Variants in PCDHA3 observed in about 807,000 individuals in gnomAD.
PCDHA3 encodes the protein protocadherin alpha-3.
A neutral mutation model predicts 62.2 loss-of-function variants in PCDHA3; 41 were observed. The observed-to-expected ratio is 0.66, with a 90% CI of 0.51 to 0.86. The LOEUF (loss-of-function observed/expected upper bound fraction) is 0.86, where lower values mean the gene tolerates loss of function less well. Ranked by LOEUF, PCDHA3 falls within the 40% of genes least tolerant of loss-of-function variation. The probability of loss-of-function intolerance (pLI) is 0.00; values close to 1 mark genes in which losing one functional copy is unlikely to be tolerated. For missense variants in PCDHA3, 1,304 were observed against 1,241.2 expected (o/e 1.05, Z -0.76); for synonymous variants, 640 against 555.4 (o/e 1.15, Z -2.14).
intron 1 of PCDHA3, among the ~76,000 whole-genome samples, chr5:140,958,710 A>G (rs1446140877): frequency 1.3e-5 from 2 of 152,210 alleles, no homozygotes; most frequent in Non-Finnish European, 2.9e-5. Flanking sequence ...CAACTCTGTT[A>G]TAATAAATGT....
intron 1 of PCDHA3, among the ~76,000 whole-genome samples, chr5:140,941,191 T>TTTCTTTCTTCCTTTCTTCC (rs1487503403): frequency 1.1e-5 from 1 of 93,258 alleles, no homozygotes; most frequent in African/African-American, 3.9e-5. Flanking sequence ...GCTTCTTTTT[T>TTTCTTTCTTCCTTTCTTCC]TTTCTTTCTT....
chr5:140,885,638 A>C (rs1490773479), intron 1 of PCDHA3, among the ~76,000 whole-genome samples: 10 of 152,184 alleles, frequency 6.6e-5, no homozygotes, highest in Admixed American at 5.2e-4. Flanking sequence ...ATTGCCTTCC[A>C]AGTATTTTGG....
chr5:140,841,640 G>T, intron 1 of PCDHA3: 1 of 1,614,170 alleles, frequency 6.2e-7, no homozygotes, highest in Non-Finnish European at 8.5e-7. Context: ...CATCCACCTG[G>T]AGGTGATCGT....
chr5:140,859,587 C>T, intron 1 of PCDHA3: 1 of 166,890 alleles, frequency 6.0e-6, no homozygotes, highest in Non-Finnish European at 1.3e-5. Context: ...TTGCCTATGG[C>T]TCTTAGCAAT....
chr5:140,950,981 TG>T (rs1443074941), intron 1 of PCDHA3, among the ~76,000 whole-genome samples: 1 of 152,138 alleles, frequency 6.6e-6, no homozygotes, highest in East Asian at 1.9e-4. Context: ...CATTGACTTT[TG>T]CCTCTTTTAG....
At chr5:140,814,345 G>C (rs2126654527) in intron 1 of PCDHA3, 1 of 151,438 alleles carries the variant, frequency 6.6e-6, no homozygotes, top group East Asian at 1.9e-4. Context: ...AGGTCTTCTG[G>C]GGCAGTTACA....
At chr5:141,002,610 C>T (rs1191320958) in intron 3 of PCDHA3, among the ~76,000 whole-genome samples, 1 of 152,200 alleles carries the variant, frequency 6.6e-6, no homozygotes, top group Non-Finnish European at 1.5e-5. Context: ...ATAAAACAGA[C>T]ACATAACACA....
At chr5:140,956,098 GA>G (rs2095256801) in intron 1 of PCDHA3, among the ~76,000 whole-genome samples, 1 of 152,160 alleles carries the variant, frequency 6.6e-6, no homozygotes, top group African/African-American at 2.4e-5. Context: ...TGCAAACAAA[GA>G]TAATTTGATT....
intron 3 of PCDHA3, among the ~76,000 whole-genome samples, chr5:140,987,537 T>C (rs1343074603): frequency 6.6e-6 from 1 of 152,176 alleles, no homozygotes; most frequent in African/African-American, 2.4e-5. Context: ...CCTGGGACCA[T>C]TACTTAACTT....
At chr5:140,843,626 C>G (rs1779006743) in intron 1 of PCDHA3, 2 of 1,596,058 alleles carry the variant, frequency 1.3e-6, no homozygotes, top group East Asian at 4.5e-5. Context: ...GAAGACGGAC[C>G]TCATGGCCTT....
intron 1 of PCDHA3, chr5:140,835,304 T>C (rs2150233585): frequency 2.5e-6 from 4 of 1,612,734 alleles, no homozygotes; most frequent in Admixed American, 3.3e-5. Flanking sequence ...TGATAGGACA[T>C]ATGGATTTTG....
At chr5:140,867,981 A>G (rs1451119630) in intron 1 of PCDHA3, 5 of 152,162 alleles carry the variant, frequency 3.3e-5, no homozygotes, top group African/African-American at 4.8e-5. Context: ...CAAGAAACAA[A>G]CTATTTTCAT....
intron 1 of PCDHA3, chr5:140,834,328 T>C (rs2150127559): frequency 6.9e-7 from 1 of 1,451,502 alleles, no homozygotes; most frequent in Non-Finnish European, 9.4e-7. Flanking sequence ...ATAAAAACAT[T>C]CCTATAAATT....
chr5:140,953,110 G>A (rs1384996852), intron 1 of PCDHA3, among the ~76,000 whole-genome samples: 2 of 152,074 alleles, frequency 1.3e-5, no homozygotes, highest in Non-Finnish European at 2.9e-5. Flanking sequence ...ATTTGGGCAG[G>A]GACACAGATC....
intron 1 of PCDHA3, chr5:140,834,211 G>A (rs2150214176): frequency 0.54 from 341,638 of 630,816 alleles, 94,315 homozygotes; most frequent in African/African-American, 0.73. Flanking sequence ...AAATTCTTTC[G>A]TAATCAGCAA....
intron 1 of PCDHA3, chr5:140,871,314 G>A (rs199741530): frequency 6.2e-7 from 1 of 1,614,048 alleles, no homozygotes; most frequent in East Asian, 2.2e-5. Context: ...GGAAGCCCAC[G>A]CTGGTGTGCT....
intron 1 of PCDHA3, chr5:140,926,949 G>C: frequency 3.8e-6 from 6 of 1,592,316 alleles, no homozygotes; most frequent in Non-Finnish European, 5.1e-6. Context: ...GCGCTGCAGC[G>C]GGACAGCTCG....
chr5:140,903,349 A>T (rs1191077377), intron 1 of PCDHA3, among the ~76,000 whole-genome samples: 1 of 152,240 alleles, frequency 6.6e-6, no homozygotes, highest in Non-Finnish European at 1.5e-5. Flanking sequence ...ATTTTAAAAA[A>T]CAAGTTTTTC....
Position 140,835,250 on chromosome 5 carries a change from A to G in PCDHA3, c.2394+31659A>G, listed in dbSNP as rs1313960035. 30 of 1,605,300 alleles carry G rather than the reference A, an allele frequency of 1.9e-5. No individual in the cohort carries two copies. In the African/African-American group the frequency reaches 3.1e-4, roughly 17 times the overall value. ...TCTCCAGTGATGTTTCTCCAGATAT[A>G]AAATCCAAGTTCCACATGGACCCCT... On this transcript the variant is annotated intron_variant, in intron 1 of 3. Transcript: ENST00000522353.
Sources: allele counts gnomAD v4.1 joint callset (sites outside exome capture counted in the v4.1 genomes callset), GRCh38; gene constraint gnomAD v4.1.1; transcripts MANE v1.5; gene names NCBI Gene and HGNC (gene_info 2026-07-23, HGNC 2026-07-21).